ACSM2A: variants seen among roughly 807,000 people sequenced by gnomAD.
ACSM2A encodes the protein acyl-coenzyme A synthetase ACSM2A, mitochondrial.
ACSM2A carries 72 observed loss-of-function variants against 76.6 expected under a neutral mutation model. The observed-to-expected ratio is 0.94, with a 90% CI of 0.78 to 1.14. The LOEUF (loss-of-function observed/expected upper bound fraction) is 1.14. ACSM2A is among the 50% of genes most tolerant of loss of function. The pLI is 0.00. For synonymous variants in ACSM2A, 249 were observed against 255.9 expected (o/e 0.97, Z 0.26); for missense variants, 684 against 708.5 (o/e 0.97, Z 0.39).
rs1209174667 is a variant in ACSM2A at position 20,473,692 on chromosome 16, T to A, written c.895-1670T>A. Among the ~76,000 whole-genome samples the A allele has an allele frequency of 5.3e-5, 8 of 152,172 alleles. No homozygotes were observed. In the South Asian group the frequency reaches 8.3e-4, roughly 16 times the overall value. ...GGCCCCATCCCGCCAGCCATCTGAA[T>A]GGACTTCCTCCTTAGCCAGGGTTCT... is the stretch of plus-strand genomic sequence containing the variant. On this transcript the variant is annotated intron_variant, in intron 6 of 13. Transcript: ENST00000573854.
At position 20,468,063 on chromosome 16, in the gene ACSM2A, C is replaced by T. The variant is rs117517524; in HGVS notation, c.389-1449C>T. 3.6e-3 allele frequency among the ~76,000 whole-genome samples: 555 copies of T among 152,084 alleles called. 3 individuals are homozygous for T. The highest frequency in any genetic ancestry group is 5.2e-3 in the Non-Finnish European group (357 of 68,006). ...TTAGAAACTATCAGAGGCGACCAAA[C>T]CAACTGCAGGAACTTGGAAGCCTGT... is the stretch of plus-strand genomic sequence containing the variant. On this transcript the variant is annotated intron_variant, in intron 3 of 13. Coordinates refer to ENST00000573854, the MANE Select transcript of ACSM2A (RefSeq NM_001308172.2).
At chr16:20,483,632 G>C (rs1478941843) in intron 13 of ACSM2A, among the ~76,000 whole-genome samples, 1 of 56,828 alleles carries the variant, frequency 1.8e-5, no homozygotes, top group Non-Finnish European at 4.0e-5. Context: ...AGCCCAGAAA[G>C]ACAATCTAGC....
At chr16:20,457,682 A>G (rs1381136714) in intron 1 of ACSM2A, among the ~76,000 whole-genome samples, 1 of 152,142 alleles carries the variant, frequency 6.6e-6, no homozygotes, top group African/African-American at 2.4e-5. Flanking sequence ...AATAAAAGCC[A>G]TCTATGATAA....
chr16:20,465,751 G>C (rs925135998), intron 3 of ACSM2A, 24 bp downstream of exon 3: 81 of 1,609,034 alleles, frequency 5.0e-5, no homozygotes, highest in Non-Finnish European at 6.7e-5. Context: ...TACCTGGACA[G>C]AGAACTGTCT....
chr16:20,483,054 G>A lies in ACSM2A; in HGVS notation c.1510-4G>A. ...CTTCTCTCTGGCCTTCATCTTTTTT[G>A]CAGGTGGTGAAGGCATTTGTGGTCC... On this transcript the variant is annotated splice_polypyrimidine_tract_variant and splice_region_variant and intron_variant, in intron 12 of 13. Coordinates refer to ENST00000573854, the MANE Select transcript of ACSM2A (RefSeq NM_001308172.2). The A allele has an allele frequency of 6.2e-7, 1 of 1,612,764 alleles. No individual in the cohort carries two copies. The highest frequency in any genetic ancestry group is 8.5e-7 in the Non-Finnish European group (1 of 1,179,354).
intron 6 of ACSM2A, chr16:20,473,980 T>C (rs1299668616): frequency 2.3e-6 from 1 of 442,392 alleles, no homozygotes; most frequent in Non-Finnish European, 4.5e-6. Context: ...ACTCAACCAA[T>C]TGTCAACCAG....
At chr16:20,476,924 A>AT (rs1213929878) in intron 8 of ACSM2A, 2 of 178,338 alleles carry the variant, frequency 1.1e-5, no homozygotes, top group African/African-American at 4.8e-5. Flanking sequence ...ATTATTTCAC[A>AT]TTGCATGCCT....
intron 12 of ACSM2A, chr16:20,481,999 G>A (rs1370590992): frequency 1.5e-5 from 2 of 134,198 alleles, no homozygotes. Flanking sequence ...GCCAGGCATG[G>A]TGGCAGGCAT....
intron 1 of ACSM2A, chr16:20,453,250 G>A (rs1243383397): frequency 1.3e-5 from 2 of 152,064 alleles, no homozygotes; most frequent in Admixed American, 6.6e-5. Flanking sequence ...CAGGAAGTCA[G>A]GGACCCTGAA....
At chr16:20,467,064 T>C (rs2013042633) in intron 3 of ACSM2A, among the ~76,000 whole-genome samples, 1 of 152,104 alleles carries the variant, frequency 6.6e-6, no homozygotes, top group Non-Finnish European at 1.5e-5. Context: ...GCTTGTGAGG[T>C]TGGAAACAAG....
Position 20,460,181 on chromosome 16 carries a change from C to T in ACSM2A, c.67C>T (p.Leu23Phe). 6.2e-7 allele frequency: 1 copy of T among 1,613,458 alleles called. No individual in the cohort carries two copies. Among genetic ancestry groups the T allele is most frequent in the Non-Finnish European group, 8.5e-7 (1 of 1,179,650 alleles). ...GGGTACTCAGATGTCCAGCCGCACT[C>T]TCTACATTAATAGTAGGCAACTGGT... ...LWGTQMSSRTLYINSRQLVSL... is the reference protein window; with the variant it reads ...LWGTQMSSRTFYINSRQLVSL... Residue 23 changes from leucine to phenylalanine, a missense_variant, in exon 2 of 14, where the codon CTC (leucine) becomes TTC (phenylalanine). Transcript: ENST00000573854.
chr16:20,469,870 G>GTTTTTTTTTTT (rs1567365569), intron 4 of ACSM2A, 151 bp downstream of exon 4: 4 of 589,460 alleles, frequency 6.8e-6, no homozygotes, highest in African/African-American at 2.2e-5. Flanking sequence ...TAACACAAGG[G>GTTTTTTTTTTT]TATTTTTTTT....
intron 9 of ACSM2A, among the ~76,000 whole-genome samples, chr16:20,477,771 A>G (rs2013837203): frequency 1.3e-5 from 2 of 152,208 alleles, no homozygotes; most frequent in African/African-American, 4.8e-5. Flanking sequence ...AGCTTTTATC[A>G]TTTAACAATT....
At chr16:20,474,845 T>G (rs2013631937) in intron 6 of ACSM2A, among the ~76,000 whole-genome samples, 1 of 152,248 alleles carries the variant, frequency 6.6e-6, no homozygotes, top group Non-Finnish European at 1.5e-5. Context: ...ACTAGGTCTT[T>G]TTGCAGCACT....
intron 4 of ACSM2A, 114 bp downstream of exon 4, chr16:20,469,833 A>C (rs2013268793): frequency 1.5e-6 from 2 of 1,369,680 alleles, no homozygotes; most frequent in African/African-American, 2.9e-5. Context: ...GGGACTAGGA[A>C]GAGTGAAGCT....
chr16:20,471,806 G>A (rs1225325252), intron 6 of ACSM2A, 117 bp downstream of exon 6: 11 of 1,514,002 alleles, frequency 7.3e-6, no homozygotes, highest in Non-Finnish European at 8.9e-6. Flanking sequence ...GCCATGTGGT[G>A]AACAGTGTTC....
chr16:20,462,300 T>A (rs1420219007), intron 2 of ACSM2A, among the ~76,000 whole-genome samples: 1 of 152,138 alleles, frequency 6.6e-6, no homozygotes, highest in African/African-American at 2.4e-5. Flanking sequence ...ATAATTCTAA[T>A]GCTGTGGAAT....
chr16:20,458,904 GCATATATATATATATATATATATATATAC>G (rs2012399999), intron 1 of ACSM2A, among the ~76,000 whole-genome samples: 1 of 27,392 alleles, frequency 3.7e-5, no homozygotes, highest in Non-Finnish European at 5.7e-5. Flanking sequence ...ATATATATAT[GCATATATATATATATATATATATATATAC>G]ATATATATAT....
intron 2 of ACSM2A, among the ~76,000 whole-genome samples, chr16:20,461,655 A>G (rs2012628848): frequency 6.6e-6 from 1 of 152,220 alleles, no homozygotes; most frequent in Non-Finnish European, 1.5e-5. Flanking sequence ...ATATGAACAG[A>G]TAGTTCACAA....
Sources: gnomAD v4.1 joint callset for allele counts (sites outside exome capture counted in the v4.1 genomes callset) on GRCh38, gnomAD v4.1.1 for gene constraint, MANE v1.5 for transcripts, NCBI Gene and HGNC (gene_info 2026-07-23, HGNC 2026-07-21) for gene names.